ZNF615: variants seen among roughly 807,000 people sequenced by gnomAD.
ZNF615 encodes zinc finger protein 615.
Under a neutral mutation model 15.3 loss-of-function variants are expected in ZNF615, and 15 were observed. That is an observed-to-expected ratio of 0.98 (90% CI 0.66 to 1.51). ZNF615 has a LOEUF of 1.51. ZNF615 is among the 40% of genes most tolerant of loss of function. ZNF615 has a pLI of 0.00. For missense variants in ZNF615, 848 were observed against 895.9 expected, an observed-to-expected ratio of 0.95 and a Z score of 0.68; for synonymous variants, 268 against 294.6, an observed-to-expected ratio of 0.91 and a Z score of 0.92.
chr19:51,993,133 C>T lies in ZNF615; in HGVS notation c.1976G>A (p.Gly659Glu). The T allele has an allele frequency of 1.2e-6, 2 of 1,614,168 alleles. No individual in the cohort carries two copies. Among genetic ancestry groups the T allele is most frequent in the Middle Eastern group, 1.6e-4 (1 of 6,062 alleles). Residue 659 changes from glycine to glutamate, a missense_variant, in exon 7 of 7, where the codon GGA becomes GAA. Transcript: ENST00000598071. ...TTCAGTACATGCAAAGGAAGTCTTT[C>T]CTGTGTGAAATCGCTGATGTTGTAT... ...CLIQHQRFHT[G>E]KTSFACTECG...
chr19:51,999,963 A>T (rs1470307363), intron 6 of ZNF615, among the ~76,000 whole-genome samples: 1 of 152,332 alleles, frequency 6.6e-6, no homozygotes, highest in African/African-American at 2.4e-5. Context: ...AACAGCAAAG[A>T]CATGGAATCA....
In ZNF615 at chr19:51,993,874, G is replaced by A. The variant is rs752326520; in HGVS notation, c.1235C>T (p.Thr412Ile). 3 of 1,613,870 alleles carry A rather than the reference G, an allele frequency of 1.9e-6. No homozygotes were observed. The highest frequency in any genetic ancestry group is 2.5e-6 in the Non-Finnish European group (3 of 1,179,952). The change falls in exon 7 of 7, where the codon ACA becomes ATA. Residue 412 changes from threonine to isoleucine, a missense_variant. Physicochemically the swap from Thr to Ile is moderately conservative, Grantham distance 89. Transcript: ENST00000598071. ...QQTHTGEKLYTCSECGKGFSM... is the reference protein window; with the variant it reads ...QQTHTGEKLYICSECGKGFSM... ...AAAGCCTTTTCCACATTCACTACAT[G>A]TATATAATTTCTCTCCTGTATGAGT...
At position 51,996,176 on chromosome 19, in the gene ZNF615, G is replaced by A. The variant is rs189520777; in HGVS notation, c.272-1339C>T. Among the ~76,000 whole-genome samples the A allele has an allele frequency of 2.1e-3, 321 of 152,112 alleles. 1 individual carries two copies. Among genetic ancestry groups the A allele is most frequent in the African/African-American group, 6.9e-3 (285 of 41,466 alleles). On this transcript the variant is annotated intron_variant, in intron 6 of 6. Transcript: ENST00000598071. ...AGGACAAAGCGGGTAGATCACATGA[G>A]GCCAGGAGTTCAAGACCAGCCTGGC...
intron 1 of ZNF615, 110 bp from the exon 2 acceptor site, chr19:52,007,440 C>A: frequency 1.9e-6 from 1 of 538,432 alleles, no homozygotes; most frequent in Non-Finnish European, 2.9e-6. Context: ...TGACTGATCT[C>A]GCCAAAAACT....
Position 51,992,827 on chromosome 19 carries a change from T to C in ZNF615, c.*53A>G. On this transcript the variant is annotated 3_prime_UTR_variant, in exon 7 of 7. Transcript: ENST00000598071. The stretch of plus-strand genomic sequence containing the variant: ...TAGTCTGCATTCATGAAATTACTCT[T>C]CTTTGCAGATATCTTAAGGGCCTAC... The C allele has an allele frequency of 6.3e-7, 1 of 1,576,844 alleles. No individual in the cohort carries two copies. Among genetic ancestry groups the C allele is most frequent in the Non-Finnish European group, 8.6e-7 (1 of 1,158,446 alleles).
intron 6 of ZNF615, among the ~76,000 whole-genome samples, chr19:51,996,385 CAAAA>C (rs1172310589): frequency 9.0e-5 from 3 of 33,326 alleles, no homozygotes; most frequent in East Asian, 1.0e-3. Flanking sequence ...GACTCTGTCT[CAAAA>C]AAAAAAAAAA....
chr19:51,993,383 C>G lies in ZNF615; in HGVS notation c.1726G>C (p.Glu576Gln). 6.2e-7 allele frequency: 1 copy of G among 1,614,106 alleles called. No homozygotes were observed. ...CATTCACTGCATACATAGGGTTTCT[C>G]TCCTGTATGAGTGCGCCGATGTACA... ...LNVHRRTHTG[E>Q]KPYVCSECGK... The change falls in exon 7 of 7, where the codon GAG becomes CAG. Residue 576 changes from glutamate (E) to glutamine (Q), a missense_variant. Coordinates refer to ENST00000598071, the MANE Select transcript of ZNF615 (RefSeq NM_001199324.2).
In ZNF615 at chr19:52,003,756, A is replaced by C. The variant is rs763186712; in HGVS notation, c.-45T>G. On this transcript the variant is annotated 5_prime_UTR_variant, in exon 3 of 7. Coordinates refer to ENST00000598071, the MANE Select transcript of ZNF615 (RefSeq NM_001199324.2). ...ATGACTGCTAACTTGGACGTTCTGT[A>C]TTTGTCTCTTCTGAATCAGCTCTAA... is the stretch of plus-strand genomic sequence containing the variant. 3.1e-6 allele frequency: 5 copies of C among 1,608,792 alleles called. No individual in the cohort carries two copies. Among genetic ancestry groups the C allele is most frequent in the Non-Finnish European group, 4.2e-6 (5 of 1,178,004 alleles).
chr19:52,007,440 CG>C, intron 1 of ZNF615, 110 bp from the exon 2 acceptor site: 1 of 538,434 alleles, frequency 1.9e-6, no homozygotes, highest in Non-Finnish European at 2.9e-6. Context: ...TGACTGATCT[CG>C]CCAAAAACTT....
chr19:52,008,175 C>T lies in ZNF615; in HGVS notation c.-262G>A. 5 of 1,535,552 alleles carry T rather than the reference C, an allele frequency of 3.3e-6. No individual in the cohort carries two copies. Among genetic ancestry groups the T allele is most frequent in the Non-Finnish European group, 4.4e-6 (5 of 1,146,776 alleles). ...CTTGGTGGGCTCCGGCCTCATCTCT[C>T]GGCCTCCTCAGTGCCTGACGGCGAC... is the stretch of plus-strand genomic sequence containing the variant. On this transcript the variant is annotated 5_prime_UTR_variant, in exon 1 of 7. Coordinates refer to ENST00000598071, the MANE Select transcript of ZNF615 (RefSeq NM_001199324.2).
intron 6 of ZNF615, among the ~76,000 whole-genome samples, chr19:51,996,257 A>G (rs1240066027): frequency 1.3e-5 from 2 of 151,858 alleles, no homozygotes; most frequent in Admixed American, 1.3e-4. Context: ...ATGGTGGCAC[A>G]TGCCCGTAGT....
At chr19:52,002,533 C>T in intron 3 of ZNF615, 1 of 562,508 alleles carries the variant, frequency 1.8e-6, no homozygotes, top group Non-Finnish European at 3.3e-6. Context: ...AATGAAAGAA[C>T]ATCTATAACA....
At chr19:52,002,328 T>C (rs201658403) in intron 3 of ZNF615, 47 bp from the exon 4 acceptor site, 70 of 1,612,290 alleles carry the variant, frequency 4.3e-5, no homozygotes, top group Non-Finnish European at 5.6e-5. Flanking sequence ...CTTTTGGTGA[T>C]AGGAAAAGAA....
At position 51,993,623 on chromosome 19, in the gene ZNF615, T is replaced by C; in HGVS notation, c.1486A>G (p.Ile496Val). ...QRTHTAEKPY[I>V]CNDCGKGFTV... Reference sequence around the variant, plus strand: ...AAGCCTTTTCCACAATCATTGCATATATATGGCTTCTCTGCAGTATGAGTT... The same window carrying C: ...AAGCCTTTTCCACAATCATTGCATACATATGGCTTCTCTGCAGTATGAGTT... The change falls in exon 7 of 7, where the codon ATA becomes GTA. Residue 496 changes from isoleucine (I) to valine (V), a missense_variant. Coordinates refer to ENST00000598071, the MANE Select transcript of ZNF615 (RefSeq NM_001199324.2). 6.2e-7 allele frequency: 1 copy of C among 1,614,038 alleles called. No individual in the cohort carries two copies. The highest frequency in any genetic ancestry group is 8.5e-7 in the Non-Finnish European group (1 of 1,179,976).
intron 6 of ZNF615, among the ~76,000 whole-genome samples, chr19:51,999,526 A>C (rs1336406870): frequency 6.6e-6 from 1 of 152,220 alleles, no homozygotes; most frequent in African/African-American, 2.4e-5. Context: ...ATGTTCCAAA[A>C]TTGATTGTGG....
intron 6 of ZNF615, 25 bp downstream of exon 6, chr19:52,000,321 C>T: frequency 1.6e-6 from 1 of 607,412 alleles, no homozygotes; most frequent in Non-Finnish European, 3.0e-6. Context: ...TCCTCGGCAT[C>T]AGGCAATATA....
chr19:51,995,735 T>C (rs1316247013), intron 6 of ZNF615, among the ~76,000 whole-genome samples: 2 of 152,038 alleles, frequency 1.3e-5, no homozygotes, highest in African/African-American at 4.8e-5. Flanking sequence ...CACACCCAGC[T>C]AATTTTTTGT....
At chr19:52,002,584 A>G (rs2086632214) in intron 3 of ZNF615, 2 of 447,670 alleles carry the variant, frequency 4.5e-6, no homozygotes, top group Non-Finnish European at 8.7e-6. Flanking sequence ...TCATAAGTAT[A>G]TGCCAGTTAC....
rs889915721 is a variant in ZNF615, at chr19:51,999,015, G to T, written c.271+1331C>A. Among the ~76,000 whole-genome samples, 8 of 152,094 alleles carry T rather than the reference G, an allele frequency of 5.3e-5. 1 individual carries two copies. The South Asian group carries it at 8.3e-4, about 16-fold the overall frequency. On this transcript the variant is annotated intron_variant, in intron 6 of 6. Coordinates refer to ENST00000598071, the MANE Select transcript of ZNF615 (RefSeq NM_001199324.2). ...AAGAAACATGATTAACTGGGACTAG[G>T]TGTCATCAAAATATGATAGAAAAGT...
Sources: allele counts gnomAD v4.1 joint callset (sites outside exome capture counted in the v4.1 genomes callset), GRCh38; gene constraint gnomAD v4.1.1; transcripts MANE v1.5; gene names NCBI Gene and HGNC (gene_info 2026-07-23, HGNC 2026-07-21).